Variants in KLHL29 observed in about 807,000 individuals in gnomAD.
KLHL29 encodes the protein kelch-like protein 29.
Under a neutral mutation model 80.4 loss-of-function variants are expected in KLHL29, and 21 were observed. The observed-to-expected ratio is 0.26, with a 90% CI of 0.19 to 0.38. KLHL29 has a LOEUF of 0.38. Ranked by LOEUF, KLHL29 falls within the 10% of genes least tolerant of loss-of-function variation. KLHL29 has a pLI of 1.00. For synonymous variants in KLHL29, 511 were observed against 526.8 expected, an observed-to-expected ratio of 0.97 and a Z score of 0.41; for missense variants, 867 against 1,223.9, an observed-to-expected ratio of 0.71 and a Z score of 4.35.
chr2:23,508,735 C>T (rs1420415254), intron 2 of KLHL29, among the ~76,000 whole-genome samples: 1 of 152,226 alleles, frequency 6.6e-6, no homozygotes, highest in Non-Finnish European at 1.5e-5. Flanking sequence ...GAGGTGGGAC[C>T]CCACACTGGG....
chr2:23,581,281 G>A (rs1368832948), intron 3 of KLHL29, among the ~76,000 whole-genome samples: 3 of 151,986 alleles, frequency 2.0e-5, no homozygotes, highest in Admixed American at 6.6e-5. Context: ...CTCCCCACCC[G>A]GTCTTCCTTC....
rs1397834431 is a variant in KLHL29, at chr2:23,390,730, C to A, written c.-154+4950C>A. ...GCAATGACACAATCTTGGCTCGCTG[C>A]AACCCCTGCCTCCTGGGTTCATGAG... On this transcript the variant is annotated intron_variant, in intron 1 of 13. Transcript: ENST00000486442. 2.7e-5 allele frequency among the ~76,000 whole-genome samples: 4 copies of A among 147,426 alleles called. No homozygotes were observed. The East Asian group carries it at 8.0e-4, about 30-fold the overall frequency.
intron 2 of KLHL29, among the ~76,000 whole-genome samples, chr2:23,545,928 T>A (rs1444680671): frequency 1.3e-5 from 2 of 152,202 alleles, no homozygotes; most frequent in Non-Finnish European, 2.9e-5. Flanking sequence ...ACCCCTTTGT[T>A]GAGCCCCAGA....
At chr2:23,592,766 T>A (rs1216470406) in intron 3 of KLHL29, among the ~76,000 whole-genome samples, 1 of 152,248 alleles carries the variant, frequency 6.6e-6, no homozygotes, top group Non-Finnish European at 1.5e-5. Flanking sequence ...AGATTCTTTA[T>A]GAATCTGTTG....
intron 2 of KLHL29, among the ~76,000 whole-genome samples, chr2:23,479,865 G>A (rs964091992): frequency 2.6e-5 from 4 of 152,184 alleles, no homozygotes; most frequent in South Asian, 2.1e-4. Flanking sequence ...CTACAAGCCC[G>A]GCACAGGGCC....
In KLHL29 at chr2:23,661,822, AC is replaced by A. The variant is rs145730676; in HGVS notation, c.940+18973del. Among the ~76,000 whole-genome samples the A allele has an allele frequency of 1.5e-3, 231 of 152,342 alleles. 1 individual carries two copies. Among genetic ancestry groups the A allele is most frequent in the African/African-American group, 5.2e-3 (218 of 41,586 alleles). On this transcript the variant is annotated intron_variant, in intron 5 of 13. Transcript: ENST00000486442. Reference sequence around the variant, plus strand: ...ACTGCCCCCAAATGCATGCTCGAGAACATCTCTCTATGGCTGCCCTGCACTC... The same window carrying A: ...ACTGCCCCCAAATGCATGCTCGAGAAATCTCTCTATGGCTGCCCTGCACTC...
intron 3 of KLHL29, among the ~76,000 whole-genome samples, chr2:23,597,403 ATATATTTTTTTTT>A (rs1265920655): frequency 3.3e-4 from 13 of 39,770 alleles, no homozygotes; most frequent in African/African-American, 9.0e-4. Context: ...ATATATATAT[ATATATTTTTTTTT>A]TTTTTTTTTT....
chr2:23,617,717 C>T (rs184940653), intron 3 of KLHL29: 4 of 152,298 alleles, frequency 2.6e-5, no homozygotes, highest in African/African-American at 4.8e-5. Context: ...CTCATCAGCC[C>T]GCAGTCTGGA....
At chr2:23,520,626 A>G (rs902654980) in intron 2 of KLHL29, among the ~76,000 whole-genome samples, 3 of 152,194 alleles carry the variant, frequency 2.0e-5, no homozygotes, top group Non-Finnish European at 4.4e-5. Context: ...GGCGCAGGTG[A>G]TTATTTATAC....
intron 1 of KLHL29, among the ~76,000 whole-genome samples, chr2:23,396,226 A>G (rs1047856274): frequency 6.6e-6 from 1 of 152,294 alleles, no homozygotes; most frequent in Admixed American, 6.5e-5. Flanking sequence ...GTTGGTGGCC[A>G]TAAGGAGGGC....
intron 2 of KLHL29, among the ~76,000 whole-genome samples, chr2:23,515,493 T>C (rs1372378860): frequency 4.6e-5 from 7 of 152,254 alleles, no homozygotes; most frequent in Non-Finnish European, 1.0e-4. Flanking sequence ...GCTGTGCCTG[T>C]GGGCCTTGGG....
At chr2:23,704,062 C>A (rs3795949) in intron 13 of KLHL29, among the ~76,000 whole-genome samples, 199 bp downstream of exon 13, 73,456 of 152,056 alleles carry the variant, frequency 0.48, 18,508 homozygotes, top group East Asian at 0.79. Flanking sequence ...TCCAGGAGCC[C>A]AACCCCGGGG....
At chr2:23,662,935 T>C (rs1461532450) in intron 5 of KLHL29, among the ~76,000 whole-genome samples, 1 of 152,216 alleles carries the variant, frequency 6.6e-6, no homozygotes, top group Non-Finnish European at 1.5e-5. Flanking sequence ...ATCTCCACTC[T>C]GCCACTCACT....
intron 2 of KLHL29, among the ~76,000 whole-genome samples, chr2:23,549,534 A>G (rs1667068508): frequency 6.6e-6 from 1 of 152,104 alleles, no homozygotes; most frequent in Non-Finnish European, 1.5e-5. Flanking sequence ...AAGCAAACAC[A>G]TCAAGATAGG....
chr2:23,628,355 C>T (rs1669374128), intron 3 of KLHL29, among the ~76,000 whole-genome samples: 2 of 144,264 alleles, frequency 1.4e-5, no homozygotes, highest in Non-Finnish European at 3.0e-5. Flanking sequence ...CCTAGAATGC[C>T]CTCTGGGGAG....
intron 1 of KLHL29, among the ~76,000 whole-genome samples, chr2:23,413,751 C>G (rs936646048): frequency 1.3e-5 from 2 of 152,202 alleles, no homozygotes; most frequent in Non-Finnish European, 2.9e-5. Context: ...GCATCTGTCC[C>G]CACCAAGCCC....
intron 5 of KLHL29, among the ~76,000 whole-genome samples, chr2:23,665,349 G>A (rs1244195042): frequency 6.6e-6 from 1 of 152,174 alleles, no homozygotes. Context: ...ACAGGCCTTT[G>A]GTGAGACAGA....
intron 3 of KLHL29, among the ~76,000 whole-genome samples, chr2:23,628,494 A>AT (rs1342522413): frequency 1.3e-5 from 2 of 152,068 alleles, no homozygotes; most frequent in African/African-American, 4.8e-5. Flanking sequence ...TGGGCTCACA[A>AT]TTAATGTTGA....
rs1447468609 is a variant in KLHL29 at position 23,444,013 on chromosome 2, A to G, written c.-153-31547A>G. On this transcript the variant is annotated intron_variant, in intron 1 of 13. Transcript: ENST00000486442. ...ATTCTTTCTACATTTATTAGCTGAA[A>G]GTTTTTGTAAGGAAGACCTCATGTC... Among the ~76,000 whole-genome samples the G allele has an allele frequency of 3.9e-5, 6 of 152,152 alleles. 1 individual carries two copies. Among genetic ancestry groups the G allele is most frequent in the Admixed American group, 2.0e-4 (3 of 15,264 alleles).
Sources: allele counts gnomAD v4.1 joint callset (sites outside exome capture counted in the v4.1 genomes callset), GRCh38; gene constraint gnomAD v4.1.1; transcripts MANE v1.5; gene names NCBI Gene and HGNC (gene_info 2026-07-23, HGNC 2026-07-21).